Variants in DNAH2 observed in about 807,000 individuals in gnomAD.
The protein encoded by DNAH2 is dynein axonemal heavy chain 2.
A neutral mutation model predicts 523.5 loss-of-function variants in DNAH2; 323 were observed. That is an observed-to-expected ratio of 0.62 (90% CI 0.56 to 0.68). The LOEUF (loss-of-function observed/expected upper bound fraction) is 0.68. Ranked by LOEUF, DNAH2 falls within the 30% of genes least tolerant of loss-of-function variation. The pLI, the probability that DNAH2 is intolerant of heterozygous loss-of-function variation, is 0.00. For missense variants in DNAH2, 4,907 were observed against 5,701.5 expected, an observed-to-expected ratio of 0.86 and a Z score of 4.49; for synonymous variants, 2,093 against 2,177.4, an observed-to-expected ratio of 0.96 and a Z score of 1.08.
intron 48 of DNAH2, among the ~76,000 whole-genome samples, chr17:7,793,900 G>C (rs1275484637): frequency 2.0e-5 from 3 of 152,110 alleles, no homozygotes; most frequent in Non-Finnish European, 4.4e-5. Flanking sequence ...CACGTGTATA[G>C]ATAGGTACAA....
rs948383910 is a variant in DNAH2, at chr17:7,786,151, C to T, written c.6157C>T (p.Arg2053Ter). The T allele has an allele frequency of 8.7e-6, 14 of 1,613,758 alleles. No individual in the cohort carries two copies. Among genetic ancestry groups the T allele is most frequent in the East Asian group, 2.2e-5 (1 of 44,888 alleles). Residue 2053 changes from arginine (R) to a stop codon, truncating the protein, a stop_gained, in exon 40 of 86, where the codon CGA (arginine) becomes TGA (stop). Coordinates refer to ENST00000572933, the MANE Select transcript of DNAH2 (RefSeq NM_020877.5). LOFTEE classifies it high-confidence loss of function. The surrounding 1 kb of genome is among the most constrained non-coding windows in gnomAD (Gnocchi z 7.5). Reference protein sequence around the residue: ...KLRETVEQEIRDMGLQSTPFT... With the variant: ...KLRETVEQEI ...GCGGGAGACCGTTGAGCAGGAGATT[C>T]GAGACATGGGCCTGCAAAGCACGCC...
At chr17:7,752,566 G>A (rs981038931) in intron 12 of DNAH2, among the ~76,000 whole-genome samples, 5 of 151,846 alleles carry the variant, frequency 3.3e-5, no homozygotes, top group African/African-American at 4.8e-5. Flanking sequence ...AAAAATTAGC[G>A]GGGCGTGGTG....
At chr17:7,793,575 T>C (rs145958426) in intron 48 of DNAH2, among the ~76,000 whole-genome samples, 204 of 151,694 alleles carry the variant, frequency 1.3e-3, no homozygotes, top group African/African-American at 4.5e-3. Flanking sequence ...TTCTTTCTTT[T>C]TTTCTTTCTT....
rs577925267 is a variant in DNAH2, at chr17:7,778,158, G to C, written c.5329G>C (p.Val1777Leu). The C allele has an allele frequency of 6.2e-7, 1 of 1,614,042 alleles. No individual in the cohort carries two copies. The highest frequency in any genetic ancestry group is 1.3e-5 in the African/African-American group (1 of 74,910). Residue 1777 changes from valine to leucine, a missense_variant, in exon 34 of 86, where the codon GTC (valine) becomes CTC (leucine). Transcript: ENST00000572933. ...GTACTTGGGTAACTCGGGCCGGCTCGTCATCACCCCCCTGACGGACAGGTC... is the reference window on the plus strand; with the variant it reads ...GTACTTGGGTAACTCGGGCCGGCTCCTCATCACCCCCCTGACGGACAGGTC... ...YEYLGNSGRLVITPLTDRCYM... is the reference protein window; with the variant it reads ...YEYLGNSGRLLITPLTDRCYM...
At chr17:7,793,326 G>T in intron 48 of DNAH2, 121 bp downstream of exon 48, 1 of 1,026,558 alleles carries the variant, frequency 9.7e-7, no homozygotes, top group East Asian at 2.6e-5. Flanking sequence ...ACACAGGAGC[G>T]TCCTTCTCCA....
chr17:7,770,160 G>A (rs1375707626), intron 24 of DNAH2, 92 bp from the exon 25 acceptor site: 1 of 1,448,600 alleles, frequency 6.9e-7, no homozygotes, highest in Non-Finnish European at 9.2e-7. Context: ...TCATGAATTG[G>A]TAACTATGCA....
intron 48 of DNAH2, among the ~76,000 whole-genome samples, chr17:7,793,454 T>TTC (rs2076961431): frequency 1.2e-5 from 1 of 83,776 alleles, no homozygotes; most frequent in Admixed American, 1.2e-4. Context: ...TCTTTTTCTT[T>TTC]CTTTCTTTCT....
chr17:7,820,187 C>T (rs2077815411), intron 72 of DNAH2, among the ~76,000 whole-genome samples: 1 of 152,126 alleles, frequency 6.6e-6, no homozygotes, highest in African/African-American at 2.4e-5. Context: ...GCAACTGTTC[C>T]CTCCCCATCT....
At chr17:7,775,768 G>A (rs934795800) in intron 30 of DNAH2, among the ~76,000 whole-genome samples, 2 of 150,378 alleles carry the variant, frequency 1.3e-5, no homozygotes, top group South Asian at 2.1e-4. Flanking sequence ...TTAAATGGCC[G>A]TTAGTCACTC....
In DNAH2 at chr17:7,790,395, G is replaced by T. The variant is rs1366562604; in HGVS notation, c.6901-1522G>T. ...GCGCCATCACACCCAGCTAATTTTT[G>T]ATTATTTCTAGAGATGGGGTCTCAC... On this transcript the variant is annotated intron_variant, in intron 44 of 85. Transcript: ENST00000572933. 5.3e-5 allele frequency among the ~76,000 whole-genome samples: 8 copies of T among 151,830 alleles called. No individual in the cohort carries two copies. The South Asian group carries it at 8.3e-4, about 16-fold the overall frequency.
chr17:7,807,151 G>A lies in DNAH2; in HGVS notation c.9444G>A (p.Gly3148=). The part of the protein sequence containing the change: ...PTWAEAKRQL[G]EQNFIKSLIN... ...AGGCCCCTAATTTTCATCCCACAGG[G>A]GAACAGAACTTCATCAAGTCACTGA... is the stretch of plus-strand genomic sequence containing the variant. The change falls in exon 62 of 86, where the codon GGG becomes GGA. Residue 3148 remains glycine (G), a splice_region_variant and synonymous_variant. Transcript: ENST00000572933. The surrounding 1 kb of genome is among the most constrained non-coding windows in gnomAD (Gnocchi z 5.6). 1.2e-6 allele frequency: 2 copies of A among 1,604,934 alleles called. No individual in the cohort carries two copies. Among genetic ancestry groups the A allele is most frequent in the Non-Finnish European group, 1.7e-6 (2 of 1,179,776 alleles).
At chr17:7,823,327 C>T in intron 73 of DNAH2, 115 bp from the exon 74 acceptor site, 1 of 1,036,274 alleles carries the variant, frequency 9.6e-7, no homozygotes, top group Non-Finnish European at 1.4e-6. Context: ...TTGGTTTTCC[C>T]ACCGAGAGAG....
At chr17:7,733,910 G>A (rs533075468) in intron 5 of DNAH2, among the ~76,000 whole-genome samples, 1 of 152,316 alleles carries the variant, frequency 6.6e-6, no homozygotes, top group South Asian at 2.1e-4. Context: ...GGGACACTGG[G>A]AGGACTCACA....
rs139119961 is a variant in DNAH2, at chr17:7,792,286, T to C, written c.7088T>C (p.Ile2363Thr). 1.7e-4 allele frequency: 279 copies of C among 1,613,904 alleles called. No individual in the cohort carries two copies. The highest frequency in any genetic ancestry group is 2.2e-4 in the Non-Finnish European group (259 of 1,180,018). Residue 2363 changes from isoleucine to threonine, a missense_variant, in exon 46 of 86, where the codon ATA becomes ACA. Physicochemically the swap from Ile to Thr is moderately conservative, Grantham distance 89. This residue lies in a region of DNAH2 where 2,806 missense variants were observed against 3,190.8 expected (regional missense o/e 0.88). Coordinates refer to ENST00000572933, the MANE Select transcript of DNAH2 (RefSeq NM_020877.5). ...TVYEYFVDPK[I>T]RSWTSFEDKL... The stretch of plus-strand genomic sequence containing the variant: ...TATGAGTATTTTGTGGACCCCAAAA[T>C]ACGGAGTTGGACATCATTTGAGGAC...
At chr17:7,739,607 C>CTTTT in intron 8 of DNAH2, 126 bp from the exon 9 acceptor site, 2 of 731,294 alleles carry the variant, frequency 2.7e-6, no homozygotes, top group Non-Finnish European at 4.1e-6. Flanking sequence ...TTTTCTTCTT[C>CTTTT]TTTTTTTTTT....
chr17:7,799,908 G>A (rs2077175796), intron 56 of DNAH2, among the ~76,000 whole-genome samples: 1 of 152,156 alleles, frequency 6.6e-6, no homozygotes, highest in Non-Finnish European at 1.5e-5. Context: ...TCACACTGTT[G>A]TGTAACAGCT....
chr17:7,807,142 T>A lies in DNAH2; in HGVS notation c.9443-8T>A, dbSNP rs2077387820. ...CTCTGGCTAAGGCCCCTAATTTTCA[T>A]CCCACAGGGGAACAGAACTTCATCA... On this transcript the variant is annotated splice_polypyrimidine_tract_variant and splice_region_variant and intron_variant, in intron 61 of 85. Transcript: ENST00000572933. The surrounding 1 kb of genome is among the most constrained non-coding windows in gnomAD (Gnocchi z 5.6). The A allele has an allele frequency of 2.5e-6, 4 of 1,603,102 alleles. No individual in the cohort carries two copies. Among genetic ancestry groups the A allele is most frequent in the Non-Finnish European group, 3.4e-6 (4 of 1,179,516 alleles).
Position 7,830,729 on chromosome 17 carries a change from C to T in DNAH2, c.12117C>T (p.Leu4039=). The part of the protein sequence containing the change: ...EETPWDALKY[L]IAGINYGGHV... ...CACCTTGGGACGCACTTAAGTACCT[C>T]ATTGCCGGCATCAACTATGGTGGAC... The change falls in exon 79 of 86, where the codon CTC becomes CTT. Residue 4039 remains leucine (L), a synonymous_variant. Coordinates refer to ENST00000572933, the MANE Select transcript of DNAH2 (RefSeq NM_020877.5). The T allele has an allele frequency of 1.2e-6, 2 of 1,614,192 alleles. No individual in the cohort carries two copies. The highest frequency in any genetic ancestry group is 2.2e-5 in the South Asian group (2 of 91,082).
In DNAH2 at chr17:7,764,253, G is replaced by A. The variant is rs140417225; in HGVS notation, c.3316G>A (p.Glu1106Lys). The change falls in exon 20 of 86, where the codon GAG becomes AAG. Residue 1106 changes from glutamate (E) to lysine (K), a missense_variant. Coordinates refer to ENST00000572933, the MANE Select transcript of DNAH2 (RefSeq NM_020877.5). ...HEQFAILEKY[E>K]VPVEDSVLEM... ...GCAATTTGCCATTCTTGAAAAGTAC[G>A]AGGTGCCAGTCGAGGACAGTGTGAG... The A allele has an allele frequency of 7.4e-6, 12 of 1,611,036 alleles. No homozygotes were observed. Among genetic ancestry groups the A allele is most frequent in the Non-Finnish European group, 9.3e-6 (11 of 1,178,490 alleles).
Sources: allele counts gnomAD v4.1 joint callset (sites outside exome capture counted in the v4.1 genomes callset), GRCh38; gene constraint gnomAD v4.1.1; regional missense constraint gnomAD v4.1.1; non-coding constraint Gnocchi (gnomAD v3.1); transcripts MANE v1.5; gene names NCBI Gene and HGNC (gene_info 2026-07-23, HGNC 2026-07-21).